The following ZNF83 variants were observed in gnomAD, a reference collection of about 807,000 sequenced individuals.
The protein encoded by ZNF83 is zinc finger protein 83.
For synonymous variants in ZNF83, 209 were observed against 213.0 expected (o/e 0.98, Z 0.17); for missense variants, 552 against 629.9 (o/e 0.88, Z 1.32).
chr19:52,617,322 C>A (rs1243629752), intron 2 of ZNF83: 1 of 152,212 alleles, frequency 6.6e-6, no homozygotes, highest in African/African-American at 2.4e-5. Context: ...AGGCTGTGTT[C>A]TGAGAAAGCC....
chr19:52,631,074 C>T (rs1159325159), intron 2 of ZNF83, among the ~76,000 whole-genome samples: 5 of 144,770 alleles, frequency 3.5e-5, no homozygotes. Context: ...CCTCTCTTCG[C>T]TTTCACTTGG....
intron 1 of ZNF83, among the ~76,000 whole-genome samples, chr19:52,672,229 G>C (rs534504316): frequency 1.1e-4 from 17 of 151,918 alleles, no homozygotes; most frequent in Non-Finnish European, 2.4e-4. Flanking sequence ...GTGAGATTCT[G>C]TCTCAAAAAA....
chr19:52,637,398 C>T (rs1362623038), intron 1 of ZNF83, among the ~76,000 whole-genome samples: 1 of 152,102 alleles, frequency 6.6e-6, no homozygotes, highest in Non-Finnish European at 1.5e-5. Context: ...GGCTCCAAAT[C>T]CCTCCTCCTC....
At position 52,647,666 on chromosome 19, in the gene ZNF83, A is replaced by G. The variant is rs376729593; in HGVS notation, c.-74+7895T>C. Among the ~76,000 whole-genome samples the G allele has an allele frequency of 2.8e-4, 41 of 145,534 alleles. 1 individual carries two copies. Among genetic ancestry groups the G allele is most frequent in the African/African-American group, 9.9e-4 (39 of 39,270 alleles). On this transcript the variant is annotated intron_variant, in intron 3 of 5. Coordinates refer to the ZNF83 transcript ENST00000594682. The stretch of plus-strand genomic sequence containing the variant: ...TTCTCTCTCTAGCTCTTTTTTTTCT[A>G]TTTCCCTGGGATTCTGCACCTCATT...
rs146524603 is a variant in ZNF83 at position 52,659,489 on chromosome 19, C to T, written c.-201+1273G>A. On this transcript the variant is annotated intron_variant, in intron 2 of 5. Transcript: ENST00000594682. ...CGGAAACACAGCAGAACTAGCAAAACGGAATTATCTGTGTGTCAGTGTATG... is the reference window on the plus strand; with the variant it reads ...CGGAAACACAGCAGAACTAGCAAAATGGAATTATCTGTGTGTCAGTGTATG... Among the ~76,000 whole-genome samples the T allele has an allele frequency of 5.3e-3, 805 of 151,918 alleles. 2 individuals carry two copies. Among genetic ancestry groups the T allele is most frequent in the African/African-American group, 0.018 (756 of 41,434 alleles).
chr19:52,655,564 C>G, exon 3 of ZNF83: 1 of 1,498,286 alleles, frequency 6.7e-7, no homozygotes, highest in Non-Finnish European at 9.3e-7. Context: ...TCCTCACCCA[C>G]AGACTCCAGG....
At chr19:52,645,810 C>G (rs561996516) in intron 3 of ZNF83, among the ~76,000 whole-genome samples, 24 of 148,424 alleles carry the variant, frequency 1.6e-4, no homozygotes, top group African/African-American at 4.5e-4. Flanking sequence ...CTGCCCCCCC[C>G]CAAAAAAAGG....
At chr19:52,665,157 C>A (rs867043871) in intron 1 of ZNF83, among the ~76,000 whole-genome samples, 4 of 152,216 alleles carry the variant, frequency 2.6e-5, no homozygotes, top group Middle Eastern at 6.8e-3. Flanking sequence ...TGGGAGAGTC[C>A]ACCCTGTGCT....
chr19:52,620,349 G>A (rs758104831), intron 2 of ZNF83, among the ~76,000 whole-genome samples: 1 of 151,226 alleles, frequency 6.6e-6, no homozygotes, highest in African/African-American at 2.4e-5. Context: ...AAGGAACTTT[G>A]GCAGTTGAGG....
intron 1 of ZNF83, among the ~76,000 whole-genome samples, chr19:52,687,594 ATAATGTATATATATATAATG>A (rs1568588816): frequency 0.02 from 755 of 38,238 alleles, 107 homozygotes; most frequent in African/African-American, 0.17. Context: ...ATATATATAT[ATAATGTATATATATATAATG>A]TGTATATATA....
chr19:52,647,395 C>T (rs1247472132), intron 3 of ZNF83, among the ~76,000 whole-genome samples: 1 of 152,112 alleles, frequency 6.6e-6, no homozygotes, highest in Non-Finnish European at 1.5e-5. Context: ...ACTCATCTGC[C>T]TTGGCCTCTA....
chr19:52,653,027 G>C, intron 3 of ZNF83: 1 of 1,441,630 alleles, frequency 6.9e-7, no homozygotes, highest in Non-Finnish European at 9.7e-7. Flanking sequence ...AGGTTTGACT[G>C]TTGATTAAAA....
intron 2 of ZNF83, among the ~76,000 whole-genome samples, chr19:52,623,562 C>A (rs2060625619): frequency 6.6e-6 from 1 of 152,144 alleles, no homozygotes; most frequent in African/African-American, 2.4e-5. Flanking sequence ...TGGACTACAG[C>A]CACATCTCAT....
intron 1 of ZNF83, among the ~76,000 whole-genome samples, chr19:52,665,698 TAA>T: frequency 6.6e-6 from 1 of 152,264 alleles, no homozygotes; most frequent in Admixed American, 6.5e-5. Flanking sequence ...TCACTCTTTT[TAA>T]ATTAGCCAAT....
upstream of ZNF83, among the ~76,000 whole-genome samples, chr19:52,639,317 C>A (rs1388248981): frequency 1.3e-5 from 2 of 151,860 alleles, no homozygotes; most frequent in East Asian, 3.9e-4. Context: ...AATTTCCGAC[C>A]TCAAGTAATC....
exon 3 of ZNF83, chr19:52,613,877 C>G (rs2060206183): frequency 6.2e-7 from 1 of 1,614,176 alleles, no homozygotes; most frequent in African/African-American, 1.3e-5. Context: ...TAAGGTTTTT[C>G]TCCAGTATGA....
chr19:52,638,294 TA>T lies in ZNF83; in HGVS notation c.-322+17del, dbSNP rs2061222086. 1.4e-5 allele frequency: 2 copies of T among 146,480 alleles called. No individual in the cohort carries two copies. Among genetic ancestry groups the T allele is most frequent in the African/African-American group, 5.1e-5 (2 of 39,542 alleles). The allele number at this position is 146,480 out of a possible 1,614,324, so 9.1% of individuals were successfully genotyped here. On this transcript the variant is annotated intron_variant, in intron 1 of 2. Coordinates refer to ENST00000301096, the Ensembl canonical transcript of ZNF83. ...GGGGACCTGGTAAGCGCAGACTTAA[TA>T]GAAGAGCGAAACTCACCGCCACGGT...
intron 2 of ZNF83, among the ~76,000 whole-genome samples, chr19:52,629,561 T>C (rs189109886): frequency 0.014 from 2,174 of 152,256 alleles, 52 homozygotes; most frequent in African/African-American, 0.047. Context: ...CTTACAGTTT[T>C]GTTCCGTGAC....
At position 52,671,391 on chromosome 19, in the gene ZNF83, A is replaced by C. The variant is rs562238722; in HGVS notation, c.-282-10548T>G. 2.6e-5 allele frequency among the ~76,000 whole-genome samples: 4 copies of C among 152,184 alleles called. No individual in the cohort carries two copies. The South Asian group carries it at 8.3e-4, about 32-fold the overall frequency. ...ATAAATGTATTGTAATATTAAATTC[A>C]CTCTATGTGCCTTCTGAAAAAATTA... is the stretch of plus-strand genomic sequence containing the variant. On this transcript the variant is annotated intron_variant, in intron 1 of 5. Transcript: ENST00000594682.
Sources: allele counts gnomAD v4.1 joint callset (sites outside exome capture counted in the v4.1 genomes callset), GRCh38; gene constraint gnomAD v4.1.1; transcripts MANE v1.5; gene names NCBI Gene and HGNC (gene_info 2026-07-23, HGNC 2026-07-21).